The following AOC1 variants were observed in gnomAD, a reference collection of about 807,000 sequenced individuals.
AOC1 encodes the protein amine oxidase copper containing 1.
In AOC1, 58 loss-of-function variants were observed where a neutral mutation model predicts 57.1. The ratio of observed to expected loss-of-function variants is 1.02; its 90% confidence interval spans 0.82 to 1.26. The LOEUF (loss-of-function observed/expected upper bound fraction) is 1.26, where lower values mean the gene tolerates loss of function less well. Ranked by LOEUF, AOC1 falls within the 50% of genes most tolerant of loss-of-function variation. AOC1 has a pLI of 0.00. For synonymous variants in AOC1, 401 were observed against 423.4 expected, an observed-to-expected ratio of 0.95 and a Z score of 0.65; for missense variants, 917 against 1,005.3, an observed-to-expected ratio of 0.91 and a Z score of 1.19.
chr7:150,860,072 G>A (rs997975699), intron 3 of AOC1: 7 of 174,710 alleles, frequency 4.0e-5, no homozygotes, highest in South Asian at 1.6e-4. Flanking sequence ...CCAGCTACTC[G>A]GGAGGCTGAG....
chr7:150,859,257 T>G (rs1450356109), intron 3 of AOC1, among the ~76,000 whole-genome samples: 1 of 152,136 alleles, frequency 6.6e-6, no homozygotes. Flanking sequence ...CAAGTGTAAC[T>G]ATGACTCCCC....
Position 150,857,520 on chromosome 7 carries a change from C to A in AOC1, c.1050C>A (p.Val350=), listed in dbSNP as rs751451192. ...GCGGAGAGCGCATTGCCTATGAGGT[C>A]AGCGTGCAAGAGGCAGTGGCGCTGT... ...HFGGERIAYE[V]SVQEAVALYG... Residue 350 remains valine, a synonymous_variant, in exon 2 of 5, where the codon GTC becomes GTA. Coordinates refer to ENST00000360937, the MANE Select transcript of AOC1 (RefSeq NM_001091.4). The surrounding 1 kb of genome is among the most constrained non-coding windows in gnomAD (Gnocchi z 6.6). The A allele has an allele frequency of 3.1e-6, 5 of 1,613,966 alleles. No individual in the cohort carries two copies. In the South Asian group the frequency reaches 5.5e-5, roughly 18 times the overall value.
rs528979293 is a variant in AOC1, at chr7:150,860,672, G to T, written c.1989+39G>T. 2.1e-5 allele frequency: 33 copies of T among 1,601,254 alleles called. No individual in the cohort carries two copies. The South Asian group carries it at 3.6e-4, about 17-fold the overall frequency. The stretch of plus-strand genomic sequence containing the variant: ...CCCAGCCCTGCCCGGTGCTGGCCCT[G>T]CCTCCTTCCAGCTCAGCCCAGGACC... On this transcript the variant is annotated intron_variant, in intron 4 of 4. Transcript: ENST00000360937.
intron 4 of AOC1, 44 bp from the exon 5 acceptor site, chr7:150,860,899 C>A: frequency 6.3e-7 from 1 of 1,580,718 alleles, no homozygotes; most frequent in South Asian, 1.1e-5. Flanking sequence ...CTCCAGTGGT[C>A]AGTACTCAGC....
rs1584793968 is a variant in AOC1 at position 150,852,689 on chromosome 7, G to C, written c.-17+131G>C. The C allele has an allele frequency of 6.5e-6, 1 of 152,890 alleles. No individual in the cohort carries two copies. The allele number at this position is 152,890 out of a possible 1,614,324, so 9.5% of individuals were successfully genotyped here. On this transcript the variant is annotated intron_variant, in intron 1 of 4. Coordinates refer to ENST00000360937, the MANE Select transcript of AOC1 (RefSeq NM_001091.4). This position sits in a 1 kb window ranked among gnomAD's most constrained non-coding sequence, Gnocchi z 4.6. Reference sequence around the variant, plus strand: ...GAGGGAGGAGGGCCAGGAAGTGAGGGCGGGAGCCCAGCACATCACAGAAGG... The same window carrying C: ...GAGGGAGGAGGGCCAGGAAGTGAGGCCGGGAGCCCAGCACATCACAGAAGG...
At position 150,857,641 on chromosome 7, in the gene AOC1, T is replaced by C; in HGVS notation, c.1171T>C (p.Cys391Arg). Residue 391 changes from cysteine to arginine, a missense_variant, in exon 2 of 5, where the codon TGC becomes CGC. Cys to Arg is a radical substitution (Grantham distance 180). Transcript: ENST00000360937. The surrounding 1 kb of genome is among the most constrained non-coding windows in gnomAD (Gnocchi z 6.6). ...TCATGAGTTAGCCCCCGGCATCGAC[T>C]GCCCGGAGACCGCCACCTTCCTGGA... is the stretch of plus-strand genomic sequence containing the variant. ...VTHELAPGID[C>R]PETATFLDTF... 1 of 1,614,068 alleles carries C rather than the reference T, an allele frequency of 6.2e-7. No individual in the cohort carries two copies. Among genetic ancestry groups the C allele is most frequent in the Non-Finnish European group, 8.5e-7 (1 of 1,179,996 alleles).
In AOC1 at chr7:150,861,005, C is replaced by A. The variant is rs200590665; in HGVS notation, c.2052C>A (p.Asn684Lys). The A allele has an allele frequency of 3.7e-6, 6 of 1,614,020 alleles. No individual in the cohort carries two copies. Among genetic ancestry groups the A allele is most frequent in the Middle Eastern group, 1.6e-4 (1 of 6,062 alleles). ...TCCCCCACTCAGAGGACATTCCCAA[C>A]ACAGCCACACCTGGGAACTCCGTGG... ...LHIPHSEDIP[N>K]TATPGNSVGF... The change falls in exon 5 of 5, where the codon AAC (asparagine) becomes AAA (lysine). Residue 684 changes from asparagine (N) to lysine (K), a missense_variant. Asn to Lys is a moderately conservative substitution (Grantham distance 94, BLOSUM62 0). Coordinates refer to ENST00000360937, the MANE Select transcript of AOC1 (RefSeq NM_001091.4). The surrounding 1 kb of genome is among the most constrained non-coding windows in gnomAD (Gnocchi z 4.5).
intron 1 of AOC1, among the ~76,000 whole-genome samples, chr7:150,853,681 ATATATATATATATATATT>A (rs1447919367): frequency 4.2e-5 from 3 of 72,262 alleles, no homozygotes; most frequent in African/African-American, 7.4e-5. Flanking sequence ...ATATATATAT[ATATATATATATATATATT>A]TATTTATTTA....
At chr7:150,858,095 T>C (rs1799851110) in intron 2 of AOC1, 55 bp downstream of exon 2, 1 of 1,489,038 alleles carries the variant, frequency 6.7e-7, no homozygotes, top group Non-Finnish European at 8.9e-7. Flanking sequence ...GCCAATAACT[T>C]AAACTCCCAG....
chr7:150,856,423 C>A lies in AOC1; in HGVS notation c.-16-32C>A. The A allele has an allele frequency of 6.4e-7, 1 of 1,560,192 alleles. No homozygotes were observed. Among genetic ancestry groups the A allele is most frequent in the Non-Finnish European group, 8.6e-7 (1 of 1,158,238 alleles). On this transcript the variant is annotated intron_variant, in intron 1 of 4. Coordinates refer to ENST00000360937, the MANE Select transcript of AOC1 (RefSeq NM_001091.4). The surrounding 1 kb of genome is among the most constrained non-coding windows in gnomAD (Gnocchi z 5.2). Reference sequence around the variant, plus strand: ...GGGAAGCCCATCTCTGCCCATAAGACAACTAAGTTCATCTCCTCTATTGCA... The same window carrying A: ...GGGAAGCCCATCTCTGCCCATAAGAAAACTAAGTTCATCTCCTCTATTGCA...
rs1404913541 is a variant in AOC1, at chr7:150,853,689, ATATATATATTTATT to A, written c.-17+1135_-17+1148del. ...TATATATATATATATATATATATAT[ATATATATATTTATT>A]TATTTATTTATTTAAGTCTAATAAG... On this transcript the variant is annotated intron_variant, in intron 1 of 4. Transcript: ENST00000360937. Among the ~76,000 whole-genome samples, 3 of 26,446 alleles carry A rather than the reference ATATATATATTTATT, an allele frequency of 1.1e-4. No individual in the cohort carries two copies. The African/African-American group carries it at 1.3e-3, about 11-fold the overall frequency. 17.3% of individuals were successfully genotyped at this position (26,446 alleles called of 152,430 possible). A position where few individuals can be genotyped will look rare whatever the true frequency, so the allele number is the denominator to read the frequency against.
At chr7:150,859,268 C>A (rs1350491926) in intron 3 of AOC1, among the ~76,000 whole-genome samples, 2 of 152,152 alleles carry the variant, frequency 1.3e-5, no homozygotes, top group Non-Finnish European at 2.9e-5. Flanking sequence ...ATGACTCCCC[C>A]ACAACGTAAC....
rs45452895 is a variant in AOC1, at chr7:150,854,585, G to A, written c.-16-1870G>A. On this transcript the variant is annotated intron_variant, in intron 1 of 4. Coordinates refer to ENST00000360937, the MANE Select transcript of AOC1 (RefSeq NM_001091.4). ...AAGGATGTGACACTGGCCCAGAGTC[G>A]GGTGGGAAGGGACAATGTGCAGCTG... Among the ~76,000 whole-genome samples, 535 of 152,266 alleles carry A rather than the reference G, an allele frequency of 3.5e-3. 3 individuals are homozygous for A. The highest frequency in any genetic ancestry group is 0.012 in the African/African-American group (510 of 41,546).
At position 150,852,688 on chromosome 7, in the gene AOC1, G is replaced by A. The variant is rs953167241; in HGVS notation, c.-17+130G>A. 3.3e-5 allele frequency: 5 copies of A among 152,912 alleles called. No individual in the cohort carries two copies. Among genetic ancestry groups the A allele is most frequent in the African/African-American group, 1.2e-4 (5 of 41,464 alleles). 9.5% of individuals were successfully genotyped at this position (152,912 alleles called of 1,614,324 possible). On this transcript the variant is annotated intron_variant, in intron 1 of 4. Coordinates refer to ENST00000360937, the MANE Select transcript of AOC1 (RefSeq NM_001091.4). This position sits in a 1 kb window ranked among gnomAD's most constrained non-coding sequence, Gnocchi z 4.6. Reference sequence around the variant, plus strand: ...AGAGGGAGGAGGGCCAGGAAGTGAGGGCGGGAGCCCAGCACATCACAGAAG... The same window carrying A: ...AGAGGGAGGAGGGCCAGGAAGTGAGAGCGGGAGCCCAGCACATCACAGAAG...
At chr7:150,859,340 A>G (rs1190379646) in intron 3 of AOC1, among the ~76,000 whole-genome samples, 1 of 152,120 alleles carries the variant, frequency 6.6e-6, no homozygotes, top group Admixed American at 6.5e-5. Context: ...GTGAACACAT[A>G]TTTTGTAGGT....
rs1254297993 is a variant in AOC1 at position 150,858,876 on chromosome 7, G to C, written c.1684G>C (p.Glu562Gln). The change falls in exon 3 of 5, where the codon GAG (glutamate) becomes CAG (glutamine). Residue 562 changes from glutamate (E) to glutamine (Q), a missense_variant. Coordinates refer to ENST00000360937, the MANE Select transcript of AOC1 (RefSeq NM_001091.4). The stretch of plus-strand genomic sequence containing the variant: ...TCTGGAGCAGACGCAGTACTCCTGG[G>C]AGCGCCAGGCGGCCTTCCGCTTCAA... ...PTLEQTQYSW[E>Q]RQAAFRFKRK... is the part of the protein sequence containing the mutation. 3 of 1,613,884 alleles carry C rather than the reference G, an allele frequency of 1.9e-6. No homozygotes were observed. Among genetic ancestry groups the C allele is most frequent in the Non-Finnish European group, 2.5e-6 (3 of 1,179,832 alleles).
chr7:150,860,717 A>C, intron 4 of AOC1, 84 bp downstream of exon 4: 1 of 1,507,558 alleles, frequency 6.6e-7, no homozygotes, highest in Non-Finnish European at 9.1e-7. Context: ...ACCATCAGGG[A>C]GTCCCAACCA....
rs565800850 is a variant in AOC1 at position 150,856,476 on chromosome 7, G to A, written c.6G>A (p.Pro2=). 114 of 1,611,806 alleles carry A rather than the reference G, an allele frequency of 7.1e-5. 1 individual carries two copies. The East Asian group carries it at 1.0e-3, about 14-fold the overall frequency. The part of the protein sequence containing the change: M[P]ALGWAVAAIL... ...CCAGAGCCGTGGAGCGAGAGATGCC[G>A]GCCCTGGGCTGGGCCGTGGCTGCCA... The change falls in exon 2 of 5, where the codon CCG becomes CCA. Residue 2 remains proline (P), a synonymous_variant. Transcript: ENST00000360937. This position sits in a 1 kb window ranked among gnomAD's most constrained non-coding sequence, Gnocchi z 5.2.
rs757894506 is a variant in AOC1 at position 150,857,510 on chromosome 7, C to T, written c.1040C>T (p.Ala347Val). The T allele has an allele frequency of 7.4e-6, 12 of 1,613,772 alleles. No individual in the cohort carries two copies. Among genetic ancestry groups the T allele is most frequent in the Non-Finnish European group, 8.5e-6 (10 of 1,179,996 alleles). Residue 347 changes from alanine to valine, a missense_variant, in exon 2 of 5, where the codon GCC becomes GTC. Coordinates refer to ENST00000360937, the MANE Select transcript of AOC1 (RefSeq NM_001091.4). This position sits in a 1 kb window ranked among gnomAD's most constrained non-coding sequence, Gnocchi z 6.6. ...GTGCACTTCGGCGGAGAGCGCATTG[C>T]CTATGAGGTCAGCGTGCAAGAGGCA... ...LNVHFGGERIAYEVSVQEAVA... is the reference protein window; with the variant it reads ...LNVHFGGERIVYEVSVQEAVA...
Sources: gnomAD v4.1 joint callset for allele counts (sites outside exome capture counted in the v4.1 genomes callset) on GRCh38, gnomAD v4.1.1 for gene constraint, Gnocchi (gnomAD v3.1) non-coding constraint, MANE v1.5 for transcripts, NCBI Gene and HGNC (gene_info 2026-07-23, HGNC 2026-07-21) for gene names.